The following FSTL4 variants were observed in gnomAD, a reference collection of about 807,000 sequenced individuals.
FSTL4 encodes follistatin-related protein 4.
In FSTL4, 28 loss-of-function variants were observed where a neutral mutation model predicts 78.2. The ratio of observed to expected loss-of-function variants is 0.36; its 90% confidence interval spans 0.27 to 0.49. FSTL4 has a LOEUF of 0.49. Ranked by LOEUF, FSTL4 falls within the 20% of genes least tolerant of loss-of-function variation. The pLI, the probability that FSTL4 is intolerant of heterozygous loss-of-function variation, is 0.98. For synonymous variants in FSTL4, 422 were observed against 440.5 expected, an observed-to-expected ratio of 0.96 and a Z score of 0.53; for missense variants, 922 against 1,084.9, an observed-to-expected ratio of 0.85 and a Z score of 2.11.
chr5:133,297,485 A>G (rs993115135), intron 6 of FSTL4, among the ~76,000 whole-genome samples: 1 of 152,174 alleles, frequency 6.6e-6, no homozygotes. Flanking sequence ...GCAGGCAATG[A>G]CTTAATCTCT....
chr5:133,450,869 C>T (rs1352552903), intron 3 of FSTL4, among the ~76,000 whole-genome samples: 2 of 152,138 alleles, frequency 1.3e-5, no homozygotes, highest in African/African-American at 2.4e-5. Flanking sequence ...GGGGGAGAGC[C>T]AGGTGATGCC....
chr5:133,208,736 G>C (rs1291848931), intron 14 of FSTL4, among the ~76,000 whole-genome samples: 1 of 152,134 alleles, frequency 6.6e-6, no homozygotes, highest in Non-Finnish European at 1.5e-5. Context: ...GAGTGCAGTG[G>C]TTCCATCGTG....
At chr5:133,693,783 G>T in the FSTL4 span, among the ~76,000 whole-genome samples, 2 of 152,190 alleles carry the variant, frequency 1.3e-5, no homozygotes, top group Non-Finnish European at 2.9e-5. Context: ...GGAGTCTAAA[G>T]GTTGGAGACC....
chr5:133,808,295 G>A, the FSTL4 span, among the ~76,000 whole-genome samples: 2 of 152,180 alleles, frequency 1.3e-5, no homozygotes, highest in East Asian at 3.8e-4. Context: ...GAGCCCTCGG[G>A]GCTAGACCCA....
intron 3 of FSTL4, among the ~76,000 whole-genome samples, chr5:133,465,404 G>A (rs1757686225): frequency 6.6e-6 from 1 of 152,242 alleles, no homozygotes; most frequent in Non-Finnish European, 1.5e-5. Flanking sequence ...GTGCTGTCTT[G>A]TATTATCTTG....
chr5:133,210,063 G>C (rs1473185574), intron 14 of FSTL4, 128 bp downstream of exon 14: 8 of 604,036 alleles, frequency 1.3e-5, no homozygotes, highest in Non-Finnish European at 2.4e-5. Context: ...CTCTCTCCTT[G>C]AGCCTTTATG....
At chr5:133,706,953 T>A in the FSTL4 span, among the ~76,000 whole-genome samples, 1 of 152,108 alleles carries the variant, frequency 6.6e-6, no homozygotes, top group Non-Finnish European at 1.5e-5. Flanking sequence ...CCCACACCCA[T>A]GCAGATGGCG....
At chr5:133,730,480 G>A in the FSTL4 span, among the ~76,000 whole-genome samples, 1 of 152,164 alleles carries the variant, frequency 6.6e-6, no homozygotes, top group Non-Finnish European at 1.5e-5. Context: ...TCCCACAGCT[G>A]CACGATGATG....
the FSTL4 span, among the ~76,000 whole-genome samples, chr5:133,653,280 G>A: frequency 6.6e-6 from 1 of 152,154 alleles, no homozygotes; most frequent in Admixed American, 6.6e-5. Flanking sequence ...ACTCACAGAT[G>A]TATGTAGTTC....
chr5:133,702,529 G>A, the FSTL4 span, among the ~76,000 whole-genome samples: 2 of 152,178 alleles, frequency 1.3e-5, no homozygotes, highest in Non-Finnish European at 2.9e-5. Flanking sequence ...TGGGGAGCAA[G>A]AGGGGTGAGT....
At chr5:133,690,964 A>G in the FSTL4 span, among the ~76,000 whole-genome samples, 1 of 152,202 alleles carries the variant, frequency 6.6e-6, no homozygotes, top group Non-Finnish European at 1.5e-5. Flanking sequence ...AGAGAGCTCC[A>G]TAAAAGATGA....
chr5:133,637,512 A>G, the FSTL4 span, among the ~76,000 whole-genome samples: 2 of 152,172 alleles, frequency 1.3e-5, no homozygotes, highest in South Asian at 4.1e-4. Flanking sequence ...AGTAATGAGT[A>G]GAACTAGACA....
At chr5:133,830,446 A>G in the FSTL4 span, among the ~76,000 whole-genome samples, 1 of 152,170 alleles carries the variant, frequency 6.6e-6, no homozygotes. Flanking sequence ...ATTGCCAACA[A>G]GGGCACAGGG....
chr5:133,305,760 CTCT>C (rs544962438), intron 6 of FSTL4, among the ~76,000 whole-genome samples: 176 of 152,320 alleles, frequency 1.2e-3, no homozygotes, highest in South Asian at 4.2e-3. Context: ...GGTTCTCCTC[CTCT>C]TATGCTTCCC....
chr5:133,471,761 G>A (rs1427698963), intron 3 of FSTL4, among the ~76,000 whole-genome samples: 2 of 152,180 alleles, frequency 1.3e-5, no homozygotes, highest in Admixed American at 1.3e-4. Context: ...AAGGAATAAG[G>A]ATCAGTCTAG....
At chr5:133,263,192 G>A (rs931498680) in intron 6 of FSTL4, among the ~76,000 whole-genome samples, 2 of 152,180 alleles carry the variant, frequency 1.3e-5, no homozygotes, top group Non-Finnish European at 2.9e-5. Flanking sequence ...CAGCTGAGAT[G>A]CAGAGTTCTG....
chr5:133,487,180 C>T (rs1444884419), intron 3 of FSTL4, among the ~76,000 whole-genome samples: 1 of 152,204 alleles, frequency 6.6e-6, no homozygotes, highest in Non-Finnish European at 1.5e-5. Context: ...CCTCTCTGAG[C>T]ACGTGGAAGG....
chr5:133,355,219 C>T (rs1435165237), intron 4 of FSTL4, among the ~76,000 whole-genome samples: 1 of 152,242 alleles, frequency 6.6e-6, no homozygotes, highest in Non-Finnish European at 1.5e-5. Context: ...CACTTGAGTG[C>T]TCTCCTCAGC....
At chr5:133,505,183 A>C (rs553825993) in intron 3 of FSTL4, among the ~76,000 whole-genome samples, 1 of 152,352 alleles carries the variant, frequency 6.6e-6, no homozygotes, top group African/African-American at 2.4e-5. Context: ...TGGTGGTATT[A>C]CAAGTAATTT....
Sources: gnomAD v4.1 joint callset for allele counts (sites outside exome capture counted in the v4.1 genomes callset) on GRCh38, gnomAD v4.1.1 for gene constraint, MANE v1.5 for transcripts, NCBI Gene and HGNC (gene_info 2026-07-23, HGNC 2026-07-21) for gene names.